OXCT1: variants seen among roughly 807,000 people sequenced by gnomAD.
OXCT1 encodes 3-oxoacid CoA-transferase 1.
In OXCT1, 27 loss-of-function variants were observed where a neutral mutation model predicts 69.6. The observed-to-expected ratio is 0.39, with a 90% confidence interval of 0.29 to 0.54. OXCT1 has a LOEUF of 0.54. Among genes scored for constraint, OXCT1 ranks in the 20% least tolerant of loss-of-function variants. The pLI, the probability that OXCT1 is intolerant of heterozygous loss-of-function variation, is 0.72. For missense variants in OXCT1, 437 were observed against 650.2 expected, an observed-to-expected ratio of 0.67 and a Z score of 3.57; for synonymous variants, 202 against 217.8, an observed-to-expected ratio of 0.93 and a Z score of 0.64.
At chr5:41,801,627 C>G (rs1746429786) in intron 10 of OXCT1, among the ~76,000 whole-genome samples, 1 of 152,106 alleles carries the variant, frequency 6.6e-6, no homozygotes, top group Non-Finnish European at 1.5e-5. Flanking sequence ...AACTACATCA[C>G]ATTATTTGGC....
intron 13 of OXCT1, among the ~76,000 whole-genome samples, chr5:41,776,443 A>G (rs1285901903): frequency 4.6e-5 from 7 of 152,242 alleles, no homozygotes; most frequent in Non-Finnish European, 1.5e-5. Flanking sequence ...AAAACTCAGT[A>G]TGTGGCCTGT....
chr5:41,787,304 C>T (rs1014900798), intron 13 of OXCT1, among the ~76,000 whole-genome samples: 6 of 152,040 alleles, frequency 3.9e-5, no homozygotes, highest in South Asian at 2.1e-4. Context: ...AAGTGGCTTT[C>T]GGACATTAGA....
At chr5:41,738,609 C>T (rs138208336) in intron 16 of OXCT1, among the ~76,000 whole-genome samples, 17 of 152,284 alleles carry the variant, frequency 1.1e-4, no homozygotes, top group African/African-American at 3.6e-4. Context: ...TCTTTGTTAG[C>T]TCTGTGAGAA....
chr5:41,860,580 C>A (rs995947081), intron 3 of OXCT1, among the ~76,000 whole-genome samples: 1 of 152,114 alleles, frequency 6.6e-6, no homozygotes, highest in Non-Finnish European at 1.5e-5. Flanking sequence ...AAATAACCTA[C>A]ACTATTTATT....
intron 13 of OXCT1, among the ~76,000 whole-genome samples, chr5:41,780,966 C>T (rs1054791733): frequency 3.3e-5 from 5 of 151,586 alleles, no homozygotes; most frequent in East Asian, 1.9e-4. Context: ...GGCAGTGGCG[C>T]GATCTTGGCT....
intron 13 of OXCT1, among the ~76,000 whole-genome samples, chr5:41,787,825 C>G (rs1561076549): frequency 6.6e-6 from 1 of 151,818 alleles, no homozygotes; most frequent in East Asian, 1.9e-4. Context: ...AATCTTAACA[C>G]AGCTTAAAAG....
chr5:41,863,389 C>T (rs1017102666), intron 1 of OXCT1, among the ~76,000 whole-genome samples: 6 of 152,010 alleles, frequency 3.9e-5, no homozygotes, highest in Admixed American at 3.3e-4. Flanking sequence ...CATGGTGTTC[C>T]GCAGATCTCT....
intron 15 of OXCT1, among the ~76,000 whole-genome samples, chr5:41,745,012 G>A (rs958824418): frequency 2.0e-5 from 3 of 151,912 alleles, no homozygotes; most frequent in Non-Finnish European, 2.9e-5. Context: ...AGGTAACAAC[G>A]CTATCCAGGA....
chr5:41,805,768 G>C, intron 8 of OXCT1, 87 bp from the exon 9 acceptor site: 1 of 858,704 alleles, frequency 1.2e-6, no homozygotes, highest in Non-Finnish European at 2.0e-6. Flanking sequence ...TGGAAAAAAA[G>C]ATGAGCTCTC....
chr5:41,788,013 TTCAAAGATTACTTAAAAAGA>T (rs1223940607), intron 13 of OXCT1, among the ~76,000 whole-genome samples: 1 of 152,154 alleles, frequency 6.6e-6, no homozygotes, highest in East Asian at 1.9e-4. Context: ...TTTCCTCATT[TTCAAAGATTACTTAAAAAGA>T]TAGTCGAGTG....
chr5:41,738,204 TCTC>T (rs1354998036), intron 16 of OXCT1, among the ~76,000 whole-genome samples: 4 of 152,336 alleles, frequency 2.6e-5, no homozygotes, highest in Admixed American at 2.6e-4. Context: ...CATATTTTCT[TCTC>T]ATTATAAATA....
intron 1 of OXCT1, chr5:41,869,987 G>T: frequency 9.2e-5 from 41 of 445,754 alleles, no homozygotes; most frequent in Middle Eastern, 6.6e-4. Flanking sequence ...AGCGCCAAAG[G>T]GCTCGGGAGC....
chr5:41,746,961 A>G lies in OXCT1; in HGVS notation c.1419+2566T>C, dbSNP rs547478271. 6.2e-4 allele frequency among the ~76,000 whole-genome samples: 95 copies of G among 152,232 alleles called. 1 individual carries two copies. The highest frequency in any genetic ancestry group is 9.8e-4 in the Admixed American group (15 of 15,284). On this transcript the variant is annotated intron_variant, in intron 15 of 16. Coordinates refer to ENST00000196371, the MANE Select transcript of OXCT1 (RefSeq NM_000436.4). Reference sequence around the variant, plus strand: ...TCTTTCAAATCTCTCTATCTGTCCTATGGTTTAGAATTTTGAGATTTTTTG... The same window carrying G: ...TCTTTCAAATCTCTCTATCTGTCCTGTGGTTTAGAATTTTGAGATTTTTTG...
intron 7 of OXCT1, among the ~76,000 whole-genome samples, chr5:41,817,160 G>A (rs959770523): frequency 2.6e-5 from 4 of 152,054 alleles, no homozygotes; most frequent in Admixed American, 2.6e-4. Flanking sequence ...ATTTATTGAT[G>A]TCAATATTTA....
chr5:41,777,732 T>C (rs1242115729), intron 13 of OXCT1, among the ~76,000 whole-genome samples: 5 of 152,208 alleles, frequency 3.3e-5, no homozygotes, highest in Admixed American at 6.5e-5. Context: ...CTTTCCAATG[T>C]GCTTCTAAAT....
intron 2 of OXCT1, among the ~76,000 whole-genome samples, chr5:41,862,427 T>C (rs575272167): frequency 6.6e-6 from 1 of 152,080 alleles, no homozygotes; most frequent in African/African-American, 2.4e-5. Context: ...CACACACACA[T>C]GCACGCACAC....
At chr5:41,744,734 T>C (rs1743379136) in intron 15 of OXCT1, among the ~76,000 whole-genome samples, 1 of 152,148 alleles carries the variant, frequency 6.6e-6, no homozygotes, top group African/African-American at 2.4e-5. Context: ...ATGCGGTTTT[T>C]GTCATTGGTT....
At position 41,807,358 on chromosome 5, in the gene OXCT1, C is replaced by T. The variant is rs1485570094; in HGVS notation, c.813G>A (p.Lys271=). The T allele has an allele frequency of 3.8e-6, 6 of 1,589,908 alleles. No homozygotes were observed. The Admixed American group carries it at 6.7e-5, about 18-fold the overall frequency. Residue 271 remains lysine, a synonymous_variant, in exon 8 of 17, where the codon AAG becomes AAA. Transcript: ENST00000196371. ...CAATTCTTTTCTCATATTTTTCTCC[C>T]TTTATAAGGCGATGTACATAAATCT... ...IPQIYVHRLI[K]GEKYEKRIER... is the part of the protein sequence containing the mutation.
intron 13 of OXCT1, among the ~76,000 whole-genome samples, chr5:41,779,049 G>C (rs1482731267): frequency 6.6e-6 from 1 of 152,166 alleles, no homozygotes; most frequent in Non-Finnish European, 1.5e-5. Context: ...AAGCCTTTAA[G>C]ATCACTATAG....
Sources: gnomAD v4.1 joint callset for allele counts (sites outside exome capture counted in the v4.1 genomes callset) on GRCh38, gnomAD v4.1.1 for gene constraint, MANE v1.5 for transcripts, NCBI Gene and HGNC (gene_info 2026-07-23, HGNC 2026-07-21) for gene names.